Variants in PPP3CB observed in about 807,000 individuals in gnomAD.
The protein encoded by PPP3CB is protein phosphatase 3 catalytic subunit beta, also known as serine/threonine-protein phosphatase 2B catalytic subunit beta isoform.
A neutral mutation model predicts 66.4 loss-of-function variants in PPP3CB; 8 were observed. The ratio of observed to expected loss-of-function variants is 0.12; its 90% CI spans 0.07 to 0.22. The LOEUF (loss-of-function observed/expected upper bound fraction) is 0.22. Ranked by LOEUF, PPP3CB falls within the 10% of genes least tolerant of loss-of-function variation. PPP3CB has a pLI of 1.00. For missense variants in PPP3CB, 319 were observed against 642.5 expected (o/e 0.50, Z 5.44); for synonymous variants, 208 against 221.2 (o/e 0.94, Z 0.53).
chr10:73,449,666 G>A (rs1418758839), intron 10 of PPP3CB, among the ~76,000 whole-genome samples: 4 of 152,076 alleles, frequency 2.6e-5, no homozygotes, highest in Non-Finnish European at 5.9e-5. Flanking sequence ...CTTCTAAAAC[G>A]GATGCTATGT....
chr10:73,471,460 A>G lies in PPP3CB; in HGVS notation c.669+8T>C. ...GAAATCAATCTCGGAAGTAAAATAT[A>G]TACTTACTCTCCTAATATCATCCAG... On this transcript the variant is annotated splice_region_variant and intron_variant, in intron 5 of 13. Transcript: ENST00000360663. The G allele has an allele frequency of 1.3e-6, 2 of 1,589,324 alleles. No individual in the cohort carries two copies. Among genetic ancestry groups the G allele is most frequent in the Non-Finnish European group, 1.7e-6 (2 of 1,170,924 alleles).
At chr10:73,484,233 T>C (rs936392855) in intron 1 of PPP3CB, among the ~76,000 whole-genome samples, 5 of 152,244 alleles carry the variant, frequency 3.3e-5, no homozygotes, top group Non-Finnish European at 7.3e-5. Flanking sequence ...TTTAAAGGTT[T>C]TGCTTTTTTT....
chr10:73,466,871 G>T (rs901155206), intron 9 of PPP3CB: 9 of 151,920 alleles, frequency 5.9e-5, no homozygotes, highest in Non-Finnish European at 1.2e-4. Context: ...ATTTTCTTAT[G>T]AAAAAAATTA....
At chr10:73,453,041 C>T (rs1423429108) in intron 10 of PPP3CB, among the ~76,000 whole-genome samples, 4 of 152,180 alleles carry the variant, frequency 2.6e-5, no homozygotes, top group Admixed American at 2.0e-4. Context: ...TTCTTAGCAT[C>T]ATTAGAAATC....
intron 10 of PPP3CB, among the ~76,000 whole-genome samples, chr10:73,448,157 T>C (rs1292153768): frequency 6.6e-6 from 1 of 152,172 alleles, no homozygotes; most frequent in Non-Finnish European, 1.5e-5. Context: ...TTGGGGAGGA[T>C]GGCTGTAATA....
chr10:73,473,887 A>G (rs1213503005), intron 4 of PPP3CB, among the ~76,000 whole-genome samples: 3 of 152,226 alleles, frequency 2.0e-5, no homozygotes, highest in Admixed American at 2.0e-4. Context: ...AATTTCAATC[A>G]TTAATAGCAT....
chr10:73,495,677 T>C (rs998742077), intron 1 of PPP3CB, 128 bp downstream of exon 1: 17 of 1,360,912 alleles, frequency 1.2e-5, no homozygotes, highest in South Asian at 1.2e-4. Context: ...CAGGGGCCAC[T>C]CCCCAAGGGA....
At chr10:73,451,996 T>C (rs1396590731) in intron 10 of PPP3CB, among the ~76,000 whole-genome samples, 1 of 151,790 alleles carries the variant, frequency 6.6e-6, no homozygotes, top group East Asian at 2.0e-4. Flanking sequence ...TCCACCCGCC[T>C]CAGCCTCCCA....
At chr10:73,491,986 A>AAATAAATC (rs2057085752) in intron 1 of PPP3CB, among the ~76,000 whole-genome samples, 2 of 152,038 alleles carry the variant, frequency 1.3e-5, no homozygotes, top group Admixed American at 1.3e-4. Flanking sequence ...ATAAATAAAT[A>AAATAAATC]AATAAATAAA....
intron 9 of PPP3CB, chr10:73,466,871 GA>G (rs1266054346): frequency 6.6e-6 from 1 of 151,802 alleles, no homozygotes; most frequent in Non-Finnish European, 1.5e-5. Context: ...ATTTTCTTAT[GA>G]AAAAAATTAA....
intron 1 of PPP3CB, among the ~76,000 whole-genome samples, chr10:73,491,028 T>A (rs1475617845): frequency 1.8e-5 from 2 of 109,896 alleles, no homozygotes; most frequent in Admixed American, 8.3e-5. Flanking sequence ...TATTGTTTTT[T>A]TTTTTTTTTT....
chr10:73,465,582 G>A (rs2056606813), intron 9 of PPP3CB, among the ~76,000 whole-genome samples: 1 of 152,200 alleles, frequency 6.6e-6, no homozygotes, highest in Admixed American at 6.5e-5. Flanking sequence ...AATAGTGGGG[G>A]TTTTAGCTCC....
At chr10:73,477,247 T>C (rs557793861) in intron 3 of PPP3CB, 5 of 515,688 alleles carry the variant, frequency 9.7e-6, no homozygotes, top group Admixed American at 4.0e-5. Context: ...CAGGTATCTA[T>C]TGGTAGAAAT....
At chr10:73,444,231 CA>C (rs147432514) in intron 12 of PPP3CB, 7,324 of 179,288 alleles carry the variant, frequency 0.041, 514 homozygotes, top group African/African-American at 0.15. Context: ...AACTGAAGGG[CA>C]TAAGTAATGT....
chr10:73,477,440 T>C (rs2056809050), intron 3 of PPP3CB, among the ~76,000 whole-genome samples: 1 of 152,216 alleles, frequency 6.6e-6, no homozygotes, highest in Non-Finnish European at 1.5e-5. Context: ...GAAAACAATG[T>C]AGATATTAAA....
At chr10:73,440,667 T>A (rs1168120076) in intron 12 of PPP3CB, among the ~76,000 whole-genome samples, 4 of 152,216 alleles carry the variant, frequency 2.6e-5, no homozygotes, top group African/African-American at 9.7e-5. Context: ...ACAGAGTTTA[T>A]CATGAACTCA....
chr10:73,495,642 C>A, intron 1 of PPP3CB, 163 bp downstream of exon 1: 2 of 1,083,622 alleles, frequency 1.8e-6, no homozygotes, highest in Non-Finnish European at 2.4e-6. Context: ...GCCACCGACT[C>A]AGCCCTGCCC....
chr10:73,448,570 T>C, intron 10 of PPP3CB: 1 of 526,884 alleles, frequency 1.9e-6, no homozygotes, highest in Non-Finnish European at 3.9e-6. Context: ...GGACTCTGCA[T>C]AGACATTACT....
intron 8 of PPP3CB, among the ~76,000 whole-genome samples, chr10:73,470,365 A>G (rs2056683911): frequency 6.6e-6 from 1 of 152,316 alleles, no homozygotes; most frequent in Admixed American, 6.5e-5. Flanking sequence ...CTTTATACAA[A>G]TAAGAAAACA....
Sources: allele counts gnomAD v4.1 joint callset (sites outside exome capture counted in the v4.1 genomes callset), GRCh38; gene constraint gnomAD v4.1.1; transcripts MANE v1.5; gene names NCBI Gene and HGNC (gene_info 2026-07-23, HGNC 2026-07-21).